The following KIAA0825 variants were observed in gnomAD, a reference collection of about 807,000 sequenced individuals.
KIAA0825 encodes the protein KIAA0825.
A neutral mutation model predicts 147.6 loss-of-function variants in KIAA0825; 119 were observed. The ratio of observed to expected loss-of-function variants is 0.81; its 90% CI spans 0.69 to 0.94. The LOEUF (loss-of-function observed/expected upper bound fraction) is 0.94, where lower values mean the gene tolerates loss of function less well. Ranked by LOEUF, KIAA0825 falls within the 40% of genes least tolerant of loss-of-function variation. The pLI is 0.00. For synonymous variants in KIAA0825, 470 were observed against 518.1 expected, an observed-to-expected ratio of 0.91 and a Z score of 1.26; for missense variants, 1,381 against 1,472.7, an observed-to-expected ratio of 0.94 and a Z score of 1.02.
At chr5:94,373,601 A>G (rs1037519766) in intron 20 of KIAA0825, among the ~76,000 whole-genome samples, 1 of 152,068 alleles carries the variant, frequency 6.6e-6, no homozygotes, top group African/African-American at 2.4e-5. Flanking sequence ...AAACCATCAG[A>G]TCTCATAAGA....
intron 2 of KIAA0825, among the ~76,000 whole-genome samples, chr5:94,543,981 C>T (rs1476347354): frequency 6.6e-6 from 1 of 152,218 alleles, no homozygotes; most frequent in Admixed American, 6.5e-5. Context: ...CAACTAGCAG[C>T]CCACGGGTCT....
rs1561397834 is a variant in KIAA0825 at position 94,613,445 on chromosome 5, C to T, written c.-153+5055G>A. Reference sequence around the variant, plus strand: ...GACTCCTTGTCTCAAGAGATCCGCCCGCATTGGCCTCCCAAAGTGCTGGGA... The same window carrying T: ...GACTCCTTGTCTCAAGAGATCCGCCTGCATTGGCCTCCCAAAGTGCTGGGA... On this transcript the variant is annotated intron_variant, in intron 1 of 20. Transcript: ENST00000682413. 2.6e-5 allele frequency among the ~76,000 whole-genome samples: 4 copies of T among 152,244 alleles called. No individual in the cohort carries two copies. The South Asian group carries it at 8.3e-4, about 32-fold the overall frequency.
chr5:94,405,446 A>G (rs1336319429), intron 15 of KIAA0825, among the ~76,000 whole-genome samples: 1 of 152,204 alleles, frequency 6.6e-6, no homozygotes, highest in Non-Finnish European at 1.5e-5. Context: ...TTAAATAATT[A>G]TTCTATTAAT....
At chr5:94,324,364 T>TAA (rs1780480211) in intron 20 of KIAA0825, among the ~76,000 whole-genome samples, 1 of 152,084 alleles carries the variant, frequency 6.6e-6, no homozygotes, top group Non-Finnish European at 1.5e-5. Flanking sequence ...CCATGTGTTT[T>TAA]AAGCAAGGTA....
intron 15 of KIAA0825, 147 bp from the exon 16 acceptor site, chr5:94,403,940 C>T (rs894034405): frequency 1.1e-5 from 7 of 618,184 alleles, no homozygotes; most frequent in Non-Finnish European, 1.9e-5. Flanking sequence ...TGATTGATAA[C>T]CACCCCATAA....
At chr5:94,557,954 G>C (rs561892657) in intron 2 of KIAA0825, among the ~76,000 whole-genome samples, 45 of 152,262 alleles carry the variant, frequency 3.0e-4, no homozygotes, top group African/African-American at 1.0e-3. Flanking sequence ...CTCTGGATCT[G>C]GCAGGGTGTC....
chr5:94,268,066 G>A (rs1776811302), intron 20 of KIAA0825, among the ~76,000 whole-genome samples: 1 of 151,768 alleles, frequency 6.6e-6, no homozygotes, highest in South Asian at 2.1e-4. Context: ...ATAAACATGT[G>A]TTGGACTGAA....
At chr5:94,613,339 T>C (rs1789434163) in intron 1 of KIAA0825, among the ~76,000 whole-genome samples, 3 of 152,158 alleles carry the variant, frequency 2.0e-5, no homozygotes, top group African/African-American at 7.2e-5. Flanking sequence ...TGGGATTACA[T>C]GTGCCCACGA....
intron 2 of KIAA0825, among the ~76,000 whole-genome samples, chr5:94,564,946 C>CCTTTT (rs111877748): frequency 0.28 from 37,940 of 133,694 alleles, 6,077 homozygotes; most frequent in Non-Finnish European, 0.35. Flanking sequence ...TCCCTCCCTC[C>CCTTTT]CTTTTCTTTT....
At chr5:94,241,549 G>T (rs1477534960) in intron 20 of KIAA0825, among the ~76,000 whole-genome samples, 3 of 152,214 alleles carry the variant, frequency 2.0e-5, no homozygotes, top group Non-Finnish European at 4.4e-5. Flanking sequence ...CTGGAAAATG[G>T]TTCCATTCAC....
chr5:94,559,284 T>C (rs1206235112), intron 2 of KIAA0825, among the ~76,000 whole-genome samples: 2 of 152,248 alleles, frequency 1.3e-5, no homozygotes, highest in African/African-American at 4.8e-5. Context: ...TTGGAAAATG[T>C]TGTAAAGGAC....
intron 15 of KIAA0825, among the ~76,000 whole-genome samples, chr5:94,408,521 G>T (rs1584405410): frequency 9.3e-6 from 1 of 107,774 alleles, no homozygotes; most frequent in Non-Finnish European, 1.9e-5. Flanking sequence ...TAATTTGTGT[G>T]TGTGTGTGTG....
At chr5:94,341,874 A>G (rs1404692084) in intron 20 of KIAA0825, among the ~76,000 whole-genome samples, 3 of 152,106 alleles carry the variant, frequency 2.0e-5, no homozygotes, top group African/African-American at 7.2e-5. Context: ...TACTGAGGGA[A>G]ATAAAGACTC....
chr5:94,390,670 T>A (rs1158147708), intron 18 of KIAA0825, among the ~76,000 whole-genome samples: 1 of 152,214 alleles, frequency 6.6e-6, no homozygotes, highest in Non-Finnish European at 1.5e-5. Flanking sequence ...GAAGTAACTT[T>A]CACATAGCTA....
At chr5:94,196,657 C>T (rs745878923) in intron 20 of KIAA0825, among the ~76,000 whole-genome samples, 76 of 152,196 alleles carry the variant, frequency 5.0e-4, no homozygotes, top group Middle Eastern at 3.4e-3. Flanking sequence ...GTCTATTGTT[C>T]CCATCTTTGT....
chr5:94,353,421 C>T (rs565985819), intron 20 of KIAA0825, among the ~76,000 whole-genome samples: 2 of 152,122 alleles, frequency 1.3e-5, no homozygotes, highest in African/African-American at 4.8e-5. Flanking sequence ...CTGTTAATTT[C>T]ATTAACACTT....
chr5:94,363,552 T>C (rs1188949099), intron 20 of KIAA0825, among the ~76,000 whole-genome samples: 1 of 152,192 alleles, frequency 6.6e-6, no homozygotes, highest in African/African-American at 2.4e-5. Context: ...GTTTAACTTC[T>C]AATGAGCATA....
intron 20 of KIAA0825, among the ~76,000 whole-genome samples, chr5:94,163,824 T>C (rs1767790331): frequency 6.6e-6 from 1 of 152,180 alleles, no homozygotes; most frequent in Non-Finnish European, 1.5e-5. Context: ...GTGTTGTATA[T>C]ATAGAATAAA....
At chr5:94,259,690 C>A (rs1428017071) in intron 20 of KIAA0825, among the ~76,000 whole-genome samples, 1 of 151,806 alleles carries the variant, frequency 6.6e-6, no homozygotes, top group South Asian at 2.1e-4. Flanking sequence ...TGACCTCAAG[C>A]CTTGGGAAAG....
Sources: allele counts gnomAD v4.1 joint callset (sites outside exome capture counted in the v4.1 genomes callset), GRCh38; gene constraint gnomAD v4.1.1; transcripts MANE v1.5; gene names NCBI Gene and HGNC (gene_info 2026-07-23, HGNC 2026-07-21).